Variants in FGF14 observed in about 807,000 individuals in gnomAD.
FGF14 encodes the protein fibroblast growth factor homologous factor 4.
A neutral mutation model predicts 25.5 loss-of-function variants in FGF14; 5 were observed. That is an observed-to-expected ratio of 0.20 (90% CI 0.10 to 0.41). FGF14 has a LOEUF of 0.41. Ranked by LOEUF, FGF14 falls within the 10% of genes least tolerant of loss-of-function variation. The probability of loss-of-function intolerance (pLI) is 1.00; values close to 1 mark genes in which losing one functional copy is unlikely to be tolerated. For synonymous variants in FGF14, 138 were observed against 118.3 expected (o/e 1.17, Z -1.08); for missense variants, 222 against 320.1 (o/e 0.69, Z 2.34).
intron 1 of FGF14, among the ~76,000 whole-genome samples, chr13:102,082,702 C>A (rs1595208782): frequency 6.6e-6 from 1 of 152,190 alleles, no homozygotes; most frequent in African/African-American, 2.4e-5. Flanking sequence ...CGCCTGTAAT[C>A]CCAGCACTTT....
intron 1 of FGF14, among the ~76,000 whole-genome samples, chr13:102,397,831 G>T (rs77165093): frequency 0.012 from 1,854 of 152,178 alleles, 28 homozygotes; most frequent in African/African-American, 0.043. Context: ...CTATCATACT[G>T]GTTTAAAGAA....
intron 3 of FGF14, among the ~76,000 whole-genome samples, chr13:101,794,552 G>A (rs113545449): frequency 0.014 from 2,106 of 152,146 alleles, 48 homozygotes; most frequent in African/African-American, 0.048. Context: ...TTTAGCAGCA[G>A]TTCACAGCTT....
At chr13:101,904,573 G>T (rs943235534) in intron 1 of FGF14, among the ~76,000 whole-genome samples, 5 of 152,162 alleles carry the variant, frequency 3.3e-5, no homozygotes, top group African/African-American at 1.2e-4. Context: ...TGTTCCTGGG[G>T]AGATTCTGCT....
intron 3 of FGF14, among the ~76,000 whole-genome samples, chr13:101,862,457 G>A (rs1212756874): frequency 1.3e-5 from 2 of 151,806 alleles, no homozygotes; most frequent in Non-Finnish European, 2.9e-5. Flanking sequence ...TAGTATCAAA[G>A]TAATTTATTT....
chr13:102,103,253 G>A (rs534411720), intron 1 of FGF14, among the ~76,000 whole-genome samples: 2 of 152,052 alleles, frequency 1.3e-5, no homozygotes, highest in South Asian at 4.1e-4. Context: ...GGAAGAAAGA[G>A]AAAGTTCTGG....
intron 1 of FGF14, among the ~76,000 whole-genome samples, chr13:101,963,046 A>T (rs972125209): frequency 4.6e-5 from 7 of 152,324 alleles, no homozygotes; most frequent in Middle Eastern, 3.4e-3. Context: ...AATCATTGAA[A>T]GTCTCCCGTT....
chr13:102,390,982 T>C (rs1237142860), intron 1 of FGF14, among the ~76,000 whole-genome samples: 1 of 152,204 alleles, frequency 6.6e-6, no homozygotes, highest in African/African-American at 2.4e-5. Flanking sequence ...GCCGAATAAA[T>C]ATCATTTTGG....
intron 1 of FGF14, among the ~76,000 whole-genome samples, chr13:102,074,049 C>T (rs1056503882): frequency 1.3e-5 from 2 of 152,098 alleles, no homozygotes; most frequent in African/African-American, 4.8e-5. Context: ...GCTGTGTCAC[C>T]CAGGCTGGTG....
At chr13:102,046,497 G>A (rs1274458347) in intron 1 of FGF14, among the ~76,000 whole-genome samples, 1 of 152,134 alleles carries the variant, frequency 6.6e-6, no homozygotes, top group Admixed American at 6.5e-5. Flanking sequence ...CGTCAAATAG[G>A]AAAAGTGAGT....
At chr13:102,094,586 A>G (rs2044307149) in intron 1 of FGF14, among the ~76,000 whole-genome samples, 1 of 152,154 alleles carries the variant, frequency 6.6e-6, no homozygotes. Context: ...GGGATAGGTT[A>G]CCCCTACTGT....
intron 1 of FGF14, chr13:102,367,969 G>C (rs1315448774): frequency 6.6e-6 from 1 of 152,194 alleles, no homozygotes; most frequent in Admixed American, 6.5e-5. Context: ...CTCTTCTCCT[G>C]TTACTTTTCC....
At chr13:101,781,554 T>A (rs1314678244) in intron 3 of FGF14, among the ~76,000 whole-genome samples, 2 of 152,344 alleles carry the variant, frequency 1.3e-5, no homozygotes, top group Non-Finnish European at 2.9e-5. Context: ...TTTAACTGTA[T>A]TATCTCATTT....
At chr13:102,110,338 G>C (rs1318077818) in intron 1 of FGF14, among the ~76,000 whole-genome samples, 1 of 152,100 alleles carries the variant, frequency 6.6e-6, no homozygotes, top group Non-Finnish European at 1.5e-5. Flanking sequence ...TTACCTGCTT[G>C]ATCTAGTGAT....
At position 101,722,862 on chromosome 13, in the gene FGF14, C is replaced by T. The variant is rs536202863; in HGVS notation, c.713G>A (p.Gly238Asp). The change falls in exon 5 of 5, where the codon GGC (glycine) becomes GAC (aspartate). Residue 238 changes from glycine (G) to aspartate (D), a missense_variant. This residue lies in a region of FGF14 where 66 missense variants were observed against 90.3 expected (regional missense o/e 0.73). Coordinates refer to ENST00000376143, the MANE Select transcript of FGF14 (RefSeq NM_004115.4). The stretch of plus-strand genomic sequence containing the variant: ...TGTCTTACTCTTGTTGACTGGTTTG[C>T]CTCCATTCATTATTGCAGACGCACT... ...STSASAIMNG[G>D]KPVNKSKTT 6.2e-7 allele frequency: 1 copy of T among 1,613,316 alleles called. No homozygotes were observed. Among genetic ancestry groups the T allele is most frequent in the South Asian group, 1.1e-5 (1 of 91,074 alleles).
In FGF14 at chr13:101,834,825, G is replaced by A. The variant is rs534010485; in HGVS notation, c.408+33900C>T. On this transcript the variant is annotated intron_variant, in intron 3 of 4. Coordinates refer to ENST00000376143, the MANE Select transcript of FGF14 (RefSeq NM_004115.4). Reference sequence around the variant, plus strand: ...AACCAGCACAAGAGTTATAAATGAGGAATACAGTGTTAGGGTCCTAAGTAT... The same window carrying A: ...AACCAGCACAAGAGTTATAAATGAGAAATACAGTGTTAGGGTCCTAAGTAT... 1.8e-4 allele frequency among the ~76,000 whole-genome samples: 28 copies of A among 152,182 alleles called. No individual in the cohort carries two copies. In the Middle Eastern group the frequency reaches 0.01, roughly 55 times the overall value.
intron 1 of FGF14, among the ~76,000 whole-genome samples, chr13:102,192,249 G>A (rs1201106909): frequency 6.6e-6 from 1 of 152,208 alleles, no homozygotes. Context: ...GTCTGGTCTT[G>A]CAAGATCTAA....
intron 1 of FGF14, among the ~76,000 whole-genome samples, chr13:102,236,444 C>T (rs1248003207): frequency 2.0e-5 from 3 of 151,814 alleles, no homozygotes; most frequent in Non-Finnish European, 4.4e-5. Context: ...CCTGCTGACC[C>T]TTTGACAGAC....
rs2034666275 is a variant in FGF14, at chr13:101,715,283, G to A, written c.*7548C>T. 3.0e-6 allele frequency: 1 copy of A among 332,352 alleles called. No homozygotes were observed. Among genetic ancestry groups the A allele is most frequent in the Admixed American group, 4.5e-5 (1 of 22,442 alleles). The allele number at this position is 332,352 out of a possible 1,614,324, so 20.6% of individuals were successfully genotyped here. A position where few individuals can be genotyped will look rare whatever the true frequency, so the allele number is the denominator to read the frequency against. On this transcript the variant is annotated 3_prime_UTR_variant, in exon 5 of 5. Transcript: ENST00000376143. ...AGTCAGATATAACTTGCTCTTTAAGGGAAAACAAAATTGTCACCTAAAAGC... is the reference window on the plus strand; with the variant it reads ...AGTCAGATATAACTTGCTCTTTAAGAGAAAACAAAATTGTCACCTAAAAGC...
At chr13:102,343,454 T>G (rs2057013968) in intron 1 of FGF14, among the ~76,000 whole-genome samples, 1 of 152,196 alleles carries the variant, frequency 6.6e-6, no homozygotes, top group Non-Finnish European at 1.5e-5. Flanking sequence ...GGGCAGTTGT[T>G]GCAAGGCCTG....
Sources: allele counts gnomAD v4.1 joint callset (sites outside exome capture counted in the v4.1 genomes callset), GRCh38; gene constraint gnomAD v4.1.1; regional missense constraint gnomAD v4.1.1; transcripts MANE v1.5; gene names NCBI Gene and HGNC (gene_info 2026-07-23, HGNC 2026-07-21).